KCND3: variants seen among roughly 807,000 people sequenced by gnomAD.
The protein encoded by KCND3 is A-type voltage-gated potassium channel KCND3.
A neutral mutation model predicts 51.1 loss-of-function variants in KCND3; 9 were observed. That is an observed-to-expected ratio of 0.18 (90% CI 0.11 to 0.31). The LOEUF (loss-of-function observed/expected upper bound fraction) is 0.31, where lower values mean the gene tolerates loss of function less well. Ranked by LOEUF, KCND3 falls within the 10% of genes least tolerant of loss-of-function variation. The probability of loss-of-function intolerance (pLI) is 1.00; values close to 1 mark genes in which losing one functional copy is unlikely to be tolerated. For synonymous variants in KCND3, 349 were observed against 368.0 expected, an observed-to-expected ratio of 0.95 and a Z score of 0.59; for missense variants, 526 against 903.8, an observed-to-expected ratio of 0.58 and a Z score of 5.36.
At chr1:111,980,544 A>G (rs1336031448) in intron 2 of KCND3, among the ~76,000 whole-genome samples, 1 of 152,186 alleles carries the variant, frequency 6.6e-6, no homozygotes, top group Admixed American at 6.5e-5. Context: ...TGTCAAAGAC[A>G]AAATAAAAAG....
At chr1:111,969,030 CA>C (rs1347435881) in intron 2 of KCND3, among the ~76,000 whole-genome samples, 1 of 151,666 alleles carries the variant, frequency 6.6e-6, no homozygotes, top group Non-Finnish European at 1.5e-5. Flanking sequence ...TTTGGAGGGG[CA>C]AAAACACGAA....
rs1207607939 is a variant in KCND3, at chr1:111,777,118, G to T, written c.1674C>A (p.Pro558=). The part of the protein sequence containing the change: ...SRRSKKTTHL[P]NSNLPATRLR... ...GGCGAGTAGCTGGCAGGTTAGAATTGGGCAGGTGTGTGGTCTTCTTACTAC... is the reference window on the plus strand; with the variant it reads ...GGCGAGTAGCTGGCAGGTTAGAATTTGGCAGGTGTGTGGTCTTCTTACTAC... The change falls in exon 7 of 8, where the codon CCC becomes CCA. Residue 558 remains proline, a synonymous_variant. Transcript: ENST00000302127. 1.1e-5 allele frequency: 18 copies of T among 1,614,008 alleles called. No individual in the cohort carries two copies. The highest frequency in any genetic ancestry group is 1.5e-5 in the Non-Finnish European group (18 of 1,180,008).
chr1:111,812,928 A>C lies in KCND3; in HGVS notation c.1107-25822T>G, dbSNP rs142649088. 8.3e-3 allele frequency among the ~76,000 whole-genome samples: 1,266 copies of C among 151,956 alleles called. 3 individuals are homozygous for C. The highest frequency in any genetic ancestry group is 0.013 in the Non-Finnish European group (912 of 67,948). On this transcript the variant is annotated intron_variant, in intron 2 of 7. Transcript: ENST00000302127. ...GTTCTCCCAGCATCCTGTGCCCCTC[A>C]CTCCCACCAAGATACAGTCTGCCAT...
chr1:111,893,965 C>T (rs1669979605), intron 2 of KCND3, among the ~76,000 whole-genome samples: 1 of 152,186 alleles, frequency 6.6e-6, no homozygotes, highest in African/African-American at 2.4e-5. Context: ...TGCACTTGGC[C>T]TTCTCCTGGG....
chr1:111,978,841 C>T (rs1308365257), intron 2 of KCND3, among the ~76,000 whole-genome samples: 4 of 152,176 alleles, frequency 2.6e-5, no homozygotes, highest in Admixed American at 1.3e-4. Flanking sequence ...CACACTGGCT[C>T]ATCCACTAAA....
chr1:111,937,412 C>T (rs190260992), intron 2 of KCND3, among the ~76,000 whole-genome samples: 46 of 152,268 alleles, frequency 3.0e-4, no homozygotes, highest in Non-Finnish European at 5.6e-4. Flanking sequence ...ACCAGCCATG[C>T]CCCGAGTCAT....
intron 2 of KCND3, among the ~76,000 whole-genome samples, chr1:111,962,593 G>A (rs1194833432): frequency 3.9e-5 from 6 of 152,204 alleles, no homozygotes; most frequent in Admixed American, 3.3e-4. Flanking sequence ...CACTACCTCC[G>A]TAGAAACAAC....
In KCND3 at chr1:111,789,933, A is replaced by G. The variant is rs182050034; in HGVS notation, c.1107-2827T>C. Among the ~76,000 whole-genome samples the G allele has an allele frequency of 1.6e-4, 24 of 152,288 alleles. No homozygotes were observed. The East Asian group carries it at 4.1e-3, about 26-fold the overall frequency. Reference sequence around the variant, plus strand: ...CAGTGTGGTTAGCAGGGTTTGCACAACCATCTCCAGTCTTCTGGCACTTCT... The same window carrying G: ...CAGTGTGGTTAGCAGGGTTTGCACAGCCATCTCCAGTCTTCTGGCACTTCT... On this transcript the variant is annotated intron_variant, in intron 2 of 7. Transcript: ENST00000302127.
intron 2 of KCND3, among the ~76,000 whole-genome samples, chr1:111,868,459 T>A (rs979811334): frequency 1.3e-5 from 2 of 152,156 alleles, no homozygotes; most frequent in African/African-American, 4.8e-5. Context: ...ATCATAGGTA[T>A]GTATGCATAG....
rs566394098 is a variant in KCND3 at position 111,956,858 on chromosome 1, C to T, written c.1106+24763G>A. 2.0e-5 allele frequency among the ~76,000 whole-genome samples: 3 copies of T among 152,326 alleles called. No individual in the cohort carries two copies. The East Asian group carries it at 5.8e-4, about 29-fold the overall frequency. ...AGCACCTGGACACCTCCTTATTATACCAGTAGGGAAACTGAGGCCCAGACA... is the reference window on the plus strand; with the variant it reads ...AGCACCTGGACACCTCCTTATTATATCAGTAGGGAAACTGAGGCCCAGACA... On this transcript the variant is annotated intron_variant, in intron 2 of 7. Transcript: ENST00000302127.
Position 111,981,110 on chromosome 1 carries a change from A to C in KCND3, c.1106+511T>G, listed in dbSNP as rs1407110888. ...AGTGTCTGTGGCAGCACAGGAGAAAAGCATAACAAATGGGAAAATGGCCTG... is the reference window on the plus strand; with the variant it reads ...AGTGTCTGTGGCAGCACAGGAGAAACGCATAACAAATGGGAAAATGGCCTG... On this transcript the variant is annotated intron_variant, in intron 2 of 7. Transcript: ENST00000302127. This position sits in a 1 kb window ranked among gnomAD's most constrained non-coding sequence, Gnocchi z 6.2. Among the ~76,000 whole-genome samples, 1 of 152,190 alleles carries C rather than the reference A, an allele frequency of 6.6e-6. No homozygotes were observed. Among genetic ancestry groups the C allele is most frequent in the African/African-American group, 2.4e-5 (1 of 41,434 alleles).
At chr1:111,915,704 G>T (rs930046862) in intron 2 of KCND3, among the ~76,000 whole-genome samples, 12 of 139,466 alleles carry the variant, frequency 8.6e-5, no homozygotes, top group Non-Finnish European at 1.8e-4. Flanking sequence ...AGTGAGCCGA[G>T]ATCACGCCAC....
intron 2 of KCND3, among the ~76,000 whole-genome samples, chr1:111,971,766 C>T (rs1246013401): frequency 1.3e-5 from 2 of 152,212 alleles, no homozygotes; most frequent in Non-Finnish European, 2.9e-5. Flanking sequence ...ACAACCTGTT[C>T]CTTCTCTAAG....
intron 2 of KCND3, among the ~76,000 whole-genome samples, chr1:111,835,640 A>G (rs1397061922): frequency 6.6e-6 from 1 of 152,252 alleles, no homozygotes; most frequent in Non-Finnish European, 1.5e-5. Flanking sequence ...CACCAATGCC[A>G]TGACAGTTAA....
chr1:111,900,847 C>T (rs1315989135), intron 2 of KCND3, among the ~76,000 whole-genome samples: 1 of 152,108 alleles, frequency 6.6e-6, no homozygotes, highest in African/African-American at 2.4e-5. Flanking sequence ...ATCCCAGCTA[C>T]TTGGGAGGCT....
chr1:111,967,113 T>C (rs1674038136), intron 2 of KCND3, among the ~76,000 whole-genome samples: 1 of 149,536 alleles, frequency 6.7e-6, no homozygotes, highest in Non-Finnish European at 1.5e-5. Flanking sequence ...GCACTTCAGC[T>C]TGGGAGACAA....
At chr1:111,958,280 G>A (rs539784526) in intron 2 of KCND3, among the ~76,000 whole-genome samples, 2 of 152,272 alleles carry the variant, frequency 1.3e-5, no homozygotes, top group East Asian at 3.9e-4. Context: ...TCCCCGCTGG[G>A]GTTCCATGGC....
intron 2 of KCND3, among the ~76,000 whole-genome samples, chr1:111,818,046 A>G (rs1440355269): frequency 4.0e-4 from 43 of 108,820 alleles, no homozygotes; most frequent in East Asian, 6.1e-4. Flanking sequence ...GCGTGCACAC[A>G]CACACACACA....
chr1:111,951,652 C>T (rs938498183), intron 2 of KCND3, among the ~76,000 whole-genome samples: 6 of 152,182 alleles, frequency 3.9e-5, no homozygotes, highest in Admixed American at 2.0e-4. Flanking sequence ...AAACAGTTCC[C>T]TGCCCTTGTG....
Sources: gnomAD v4.1 joint callset for allele counts (sites outside exome capture counted in the v4.1 genomes callset) on GRCh38, gnomAD v4.1.1 for gene constraint, Gnocchi (gnomAD v3.1) non-coding constraint, MANE v1.5 for transcripts, NCBI Gene and HGNC (gene_info 2026-07-23, HGNC 2026-07-21) for gene names.